EBF1: variants seen among roughly 807,000 people sequenced by gnomAD.
EBF1 encodes EBF transcription factor 1, also known as transcription factor COE1.
EBF1 carries 10 observed loss-of-function variants against 68.4 expected under a neutral mutation model. The ratio of observed to expected loss-of-function variants is 0.15; its 90% CI spans 0.09 to 0.25. The LOEUF (loss-of-function observed/expected upper bound fraction) is 0.25. EBF1 is among the 10% of genes least tolerant of loss of function. EBF1 has a pLI of 1.00. For missense variants in EBF1, 509 were observed against 794.4 expected (o/e 0.64, Z 4.32); for synonymous variants, 298 against 299.8 (o/e 0.99, Z 0.06).
chr5:159,015,992 T>C (rs1421453983), intron 6 of EBF1, among the ~76,000 whole-genome samples: 2 of 152,244 alleles, frequency 1.3e-5, no homozygotes, highest in African/African-American at 4.8e-5. Context: ...AAAATCCATA[T>C]GCCCATATCT....
intron 6 of EBF1, among the ~76,000 whole-genome samples, chr5:159,047,606 T>C (rs1772681982): frequency 1.3e-5 from 2 of 152,158 alleles, no homozygotes; most frequent in Non-Finnish European, 2.9e-5. Flanking sequence ...AGGAGGAAGA[T>C]GAATTCATGT....
chr5:158,723,147 G>C (rs1164862780), intron 11 of EBF1, among the ~76,000 whole-genome samples: 1 of 152,162 alleles, frequency 6.6e-6, no homozygotes, highest in African/African-American at 2.4e-5. Flanking sequence ...GGGTTTGTCT[G>C]CATTTACATG....
intron 6 of EBF1, among the ~76,000 whole-genome samples, chr5:158,855,212 A>C (rs925724522): frequency 1.8e-4 from 27 of 152,356 alleles, no homozygotes; most frequent in South Asian, 4.1e-4. Context: ...TTCTATAGGC[A>C]ATAATTTTCC....
intron 4 of EBF1, among the ~76,000 whole-genome samples, chr5:159,089,491 A>C (rs1183907992): frequency 6.6e-6 from 1 of 152,162 alleles, no homozygotes; most frequent in Non-Finnish European, 1.5e-5. Context: ...GGTAAAGACC[A>C]CACAGTAAAA....
At chr5:159,062,115 G>A (rs1384996349) in intron 6 of EBF1, among the ~76,000 whole-genome samples, 1 of 152,162 alleles carries the variant, frequency 6.6e-6, no homozygotes, top group Non-Finnish European at 1.5e-5. Context: ...CAATGAGGAC[G>A]ACTCACGGCC....
At chr5:158,901,696 T>C (rs1803382173) in intron 6 of EBF1, among the ~76,000 whole-genome samples, 1 of 152,254 alleles carries the variant, frequency 6.6e-6, no homozygotes, top group South Asian at 2.1e-4. Flanking sequence ...GAAGTAGGTA[T>C]TCTTTTAACC....
At chr5:158,742,115 C>G (rs1035316408) in intron 10 of EBF1, among the ~76,000 whole-genome samples, 2 of 152,236 alleles carry the variant, frequency 1.3e-5, no homozygotes, top group African/African-American at 4.8e-5. Context: ...CAACCAAGGG[C>G]TCCTCAGAGC....
intron 6 of EBF1, among the ~76,000 whole-genome samples, chr5:158,949,097 CT>C (rs1815456929): frequency 6.6e-6 from 1 of 152,176 alleles, no homozygotes; most frequent in Non-Finnish European, 1.5e-5. Flanking sequence ...TGATTTTTGT[CT>C]GTGCATATAG....
In EBF1 at chr5:158,981,162, A is replaced by AAC. The variant is rs553823438; in HGVS notation, c.554+92233_554+92234insGT. Among the ~76,000 whole-genome samples, 7 of 152,272 alleles carry AAC rather than the reference A, an allele frequency of 4.6e-5. No individual in the cohort carries two copies. The East Asian group carries it at 1.3e-3, about 29-fold the overall frequency. ...AGCTAACCATTTCCAAATGTTAAAA[A>AAC]AAAAAAACTGACTATAATATCCTTG... On this transcript the variant is annotated intron_variant, in intron 6 of 15. Transcript: ENST00000313708.
At chr5:158,768,199 GT>G (rs1052091401) in intron 10 of EBF1, among the ~76,000 whole-genome samples, 5 of 152,028 alleles carry the variant, frequency 3.3e-5, no homozygotes, top group Non-Finnish European at 7.4e-5. Flanking sequence ...TGTGCTGTGG[GT>G]TTTTCAGAAA....
intron 6 of EBF1, among the ~76,000 whole-genome samples, chr5:159,052,108 T>A (rs1773860179): frequency 6.6e-6 from 1 of 152,032 alleles, no homozygotes. Flanking sequence ...ATTTGAGAAG[T>A]ATCTACCATG....
At position 158,697,868 on chromosome 5, in the gene EBF1, A is replaced by G. The variant is rs1356769418; in HGVS notation, c.*1243T>C. ...TGCTGCATCTTTGCTATTAATTCTT[A>G]TTTTTAAGAACACTTCCCAGATAAT... is the stretch of plus-strand genomic sequence containing the variant. On this transcript the variant is annotated 3_prime_UTR_variant, in exon 16 of 16. Transcript: ENST00000313708. 3 of 207,222 alleles carry G rather than the reference A, an allele frequency of 1.4e-5. No homozygotes were observed. Among genetic ancestry groups the G allele is most frequent in the Admixed American group, 5.9e-5 (1 of 16,882 alleles). The allele number at this position is 207,222 out of a possible 1,614,324, so 12.8% of individuals were successfully genotyped here. A position where few individuals can be genotyped will look rare whatever the true frequency, so the allele number is the denominator to read the frequency against.
intron 6 of EBF1, among the ~76,000 whole-genome samples, chr5:159,071,977 A>C (rs1777867487): frequency 6.6e-6 from 1 of 152,208 alleles, no homozygotes; most frequent in South Asian, 2.1e-4. Flanking sequence ...ATAAAGGTTA[A>C]ATTTACTTGT....
intron 6 of EBF1, among the ~76,000 whole-genome samples, chr5:158,882,100 A>G (rs1279190845): frequency 1.3e-5 from 2 of 152,238 alleles, no homozygotes; most frequent in Admixed American, 1.3e-4. Context: ...TGGTACACAC[A>G]TTACTATTTC....
At chr5:158,735,096 T>C (rs1031004810) in intron 10 of EBF1, among the ~76,000 whole-genome samples, 18 of 152,184 alleles carry the variant, frequency 1.2e-4, no homozygotes, top group African/African-American at 3.9e-4. Flanking sequence ...GGGGTGGCAT[T>C]CGTAGGAATG....
intron 8 of EBF1, among the ~76,000 whole-genome samples, chr5:158,810,182 C>T (rs143721184): frequency 6.6e-6 from 1 of 152,240 alleles, no homozygotes; most frequent in Non-Finnish European, 1.5e-5. Context: ...TATTTTCTTC[C>T]TCTATCAAGA....
intron 6 of EBF1, among the ~76,000 whole-genome samples, chr5:158,894,770 G>T (rs150881615): frequency 1.1e-4 from 17 of 152,260 alleles, no homozygotes; most frequent in African/African-American, 4.1e-4. Context: ...TGGGACTCAT[G>T]CTTGCCCTGC....
intron 10 of EBF1, among the ~76,000 whole-genome samples, chr5:158,754,701 G>C (rs1272979570): frequency 1.3e-5 from 2 of 152,012 alleles, no homozygotes; most frequent in African/African-American, 4.8e-5. Flanking sequence ...GTTAGAAAAA[G>C]TATTAGCAAA....
intron 4 of EBF1, among the ~76,000 whole-genome samples, chr5:159,091,743 A>G (rs1781682687): frequency 6.6e-6 from 1 of 152,200 alleles, no homozygotes; most frequent in South Asian, 2.1e-4. Flanking sequence ...AAACAAATAT[A>G]TCAAGAAGTC....
Sources: allele counts gnomAD v4.1 joint callset (sites outside exome capture counted in the v4.1 genomes callset), GRCh38; gene constraint gnomAD v4.1.1; transcripts MANE v1.5; gene names NCBI Gene and HGNC (gene_info 2026-07-23, HGNC 2026-07-21).